CMYA5: variants seen among roughly 807,000 people sequenced by gnomAD.
The protein encoded by CMYA5 is cardiomyopathy-associated protein 5.
A neutral mutation model predicts 318.9 loss-of-function variants in CMYA5; 246 were observed. The ratio of observed to expected loss-of-function variants is 0.77; its 90% CI spans 0.70 to 0.86. CMYA5 has a LOEUF of 0.86. Among genes scored for constraint, CMYA5 ranks in the 40% least tolerant of loss-of-function variants. The pLI, the probability that CMYA5 is intolerant of heterozygous loss-of-function variation, is 0.00. For missense variants in CMYA5, 4,589 were observed against 4,678.2 expected (o/e 0.98, Z 0.56); for synonymous variants, 1,641 against 1,729.5 (o/e 0.95, Z 1.27).
In CMYA5 at chr5:79,799,428, A is replaced by G; in HGVS notation, c.12022A>G (p.Arg4008Gly). ...TGTTCATGTGACTGAGCGTCCAGCC[A>G]GAGTGGGCATCCTGCTGGACTACAA... is the stretch of plus-strand genomic sequence containing the variant. ...SDVHVTERPA[R>G]VGILLDYNNQ... The change falls in exon 13 of 13, where the codon AGA (arginine) becomes GGA (glycine). Residue 4008 changes from arginine to glycine, a missense_variant. Physicochemically the swap from Arg to Gly is moderately radical, Grantham distance 125. Coordinates refer to ENST00000446378, the MANE Select transcript of CMYA5 (RefSeq NM_153610.5). 1 of 1,613,868 alleles carries G rather than the reference A, an allele frequency of 6.2e-7. No individual in the cohort carries two copies. The highest frequency in any genetic ancestry group is 8.5e-7 in the Non-Finnish European group (1 of 1,179,754).
At chr5:79,702,284 G>T (rs1827187780) in intron 1 of CMYA5, among the ~76,000 whole-genome samples, 3 of 152,086 alleles carry the variant, frequency 2.0e-5, no homozygotes, top group African/African-American at 7.2e-5. Context: ...CTATTCTGGA[G>T]TCTGAGATGG....
chr5:79,789,794 G>A (rs1365367648), intron 10 of CMYA5, among the ~76,000 whole-genome samples: 1 of 152,136 alleles, frequency 6.6e-6, no homozygotes, highest in Non-Finnish European at 1.5e-5. Context: ...ATGTGTGGTA[G>A]GTTGGGGATA....
intron 1 of CMYA5, among the ~76,000 whole-genome samples, chr5:79,697,797 A>G (rs1165127230): frequency 2.0e-5 from 3 of 152,082 alleles, no homozygotes; most frequent in Non-Finnish European, 4.4e-5. Flanking sequence ...CAATTTTGCT[A>G]TTTTCAAATA....
intron 4 of CMYA5, 61 bp downstream of exon 4, chr5:79,745,516 A>G (rs1485462324): frequency 9.7e-7 from 1 of 1,032,822 alleles, no homozygotes; most frequent in African/African-American, 1.6e-5. Flanking sequence ...TCTACTTTTA[A>G]AGCTTCATTT....
intron 6 of CMYA5, among the ~76,000 whole-genome samples, chr5:79,758,071 A>G (rs1465211713): frequency 6.6e-6 from 1 of 152,030 alleles, no homozygotes; most frequent in Admixed American, 6.6e-5. Context: ...CTCTACTAAA[A>G]ATACAAAAAT....
At chr5:79,746,521 T>G (rs564297327) in intron 4 of CMYA5, among the ~76,000 whole-genome samples, 122 of 140,526 alleles carry the variant, frequency 8.7e-4, no homozygotes, top group Non-Finnish European at 1.5e-3. Context: ...TAAGAATAAT[T>G]TACTTCTTTC....
intron 1 of CMYA5, among the ~76,000 whole-genome samples, chr5:79,719,265 T>C (rs776380114): frequency 3.3e-5 from 5 of 152,192 alleles, no homozygotes; most frequent in Non-Finnish European, 5.9e-5. Context: ...TTTTCACTTA[T>C]AAAATGAGAA....
chr5:79,717,327 A>G (rs1367028798), intron 1 of CMYA5, among the ~76,000 whole-genome samples: 1 of 152,224 alleles, frequency 6.6e-6, no homozygotes, highest in East Asian at 1.9e-4. Context: ...AAGAAACACT[A>G]AGGGACATTG....
chr5:79,739,215 G>C lies in CMYA5; in HGVS notation c.10450G>C (p.Glu3484Gln). The C allele has an allele frequency of 6.2e-7, 1 of 1,613,146 alleles. No homozygotes were observed. The highest frequency in any genetic ancestry group is 8.5e-7 in the Non-Finnish European group (1 of 1,179,568). The change falls in exon 2 of 13, where the codon GAG becomes CAG. Residue 3484 changes from glutamate (E) to glutamine (Q), a missense_variant. Glu to Gln is a conservative substitution (Grantham distance 29, BLOSUM62 2). This residue lies in a region of CMYA5 where 2,431 missense variants were observed against 2,495.1 expected (regional missense o/e 0.97). Transcript: ENST00000446378. ...TPAEQKELGS[E>Q]RKEEDQLSSE... ...TGCTGAACAAAAAGAGTTGGGCAGCGAGAGGAAAGAAGAAGACCAATTATC... is the reference window on the plus strand; with the variant it reads ...TGCTGAACAAAAAGAGTTGGGCAGCCAGAGGAAAGAAGAAGACCAATTATC...
chr5:79,749,058 C>T (rs1828384537), intron 5 of CMYA5, among the ~76,000 whole-genome samples: 1 of 152,160 alleles, frequency 6.6e-6, no homozygotes, highest in Admixed American at 6.5e-5. Flanking sequence ...CCACTTAATA[C>T]TAAATACTCT....
Position 79,799,609 on chromosome 5 carries a change from A to T in CMYA5, c.12203A>T (p.His4068Leu), listed in dbSNP as rs760292821. 2 of 1,608,500 alleles carry T rather than the reference A, an allele frequency of 1.2e-6. No individual in the cohort carries two copies. Among genetic ancestry groups the T allele is most frequent in the Admixed American group, 1.7e-5 (1 of 59,630 alleles). Residue 4068 changes from histidine to leucine, a missense_variant, in exon 13 of 13, where the codon CAC becomes CTC. Physicochemically the swap from His to Leu is moderately conservative, Grantham distance 99 (BLOSUM62 -3). Transcript: ENST00000446378. ...LGIEPPDSVR[H>L]K ...ATAGAGCCCCCGGATTCTGTAAGGC[A>T]CAAGTGATCCTTGGCTTTCAGAATT...
chr5:79,777,229 AAAG>A (rs760807862), intron 9 of CMYA5, among the ~76,000 whole-genome samples: 24 of 152,206 alleles, frequency 1.6e-4, no homozygotes, highest in Non-Finnish European at 3.4e-4. Context: ...AAAAGATACA[AAAG>A]AGAATACAGT....
Position 79,735,883 on chromosome 5 carries a change from A to C in CMYA5, c.7118A>C (p.Lys2373Thr). 1 of 1,580,354 alleles carries C rather than the reference A, an allele frequency of 6.3e-7. No homozygotes were observed. The highest frequency in any genetic ancestry group is 8.5e-7 in the Non-Finnish European group (1 of 1,169,742). The change falls in exon 2 of 13, where the codon AAA (lysine) becomes ACA (threonine). Residue 2373 changes from lysine (K) to threonine (T), a missense_variant. Lys to Thr is a moderately conservative substitution (Grantham distance 78). Around this residue, in one of 3 missense-constraint regions of CMYA5, gnomAD observed 2,431 missense variants for 2,495.1 expected, o/e 0.97. Transcript: ENST00000446378. ...GAGCCAAGAAGTGATCAAAAACAAAAATCACTCCTTTCATTTGATGTAGTA... is the reference window on the plus strand; with the variant it reads ...GAGCCAAGAAGTGATCAAAAACAAACATCACTCCTTTCATTTGATGTAGTA... The part of the protein sequence containing the change: ...KEEPRSDQKQ[K>T]SLLSFDVVDK...
At chr5:79,773,036 A>G (rs73125666) in intron 9 of CMYA5, among the ~76,000 whole-genome samples, 12,715 of 152,228 alleles carry the variant, frequency 0.084, 1,287 homozygotes, top group African/African-American at 0.24. Context: ...TTAGAACCCC[A>G]TTCTTCACTT....
chr5:79,796,758 A>G (rs56113512), intron 12 of CMYA5, among the ~76,000 whole-genome samples: 1 of 152,250 alleles, frequency 6.6e-6, no homozygotes, highest in African/African-American at 2.4e-5. Context: ...TAAGAAGAGC[A>G]TGTTTTAATA....
chr5:79,692,167 G>A (rs1283606516), intron 1 of CMYA5, among the ~76,000 whole-genome samples: 3 of 152,028 alleles, frequency 2.0e-5, no homozygotes, highest in Non-Finnish European at 2.9e-5. Context: ...AAGGGAGGGG[G>A]GTGTAGTGTA....
intron 12 of CMYA5, among the ~76,000 whole-genome samples, chr5:79,793,995 T>A (rs777034666): frequency 6.6e-6 from 1 of 151,998 alleles, no homozygotes; most frequent in Non-Finnish European, 1.5e-5. Flanking sequence ...GCAGCTGGGT[T>A]TTGCATCACA....
Position 79,738,749 on chromosome 5 carries a change from C to T in CMYA5, c.9984C>T (p.Asp3328=), listed in dbSNP as rs140841478. ...AMQKKAPITE[D]VRVATQKISY... is the part of the protein sequence containing the mutation. Reference sequence around the variant, plus strand: ...AGAAGAAAGCTCCCATCACAGAGGACGTCAGAGTGGCTACCCAGAAAATAA... The same window carrying T: ...AGAAGAAAGCTCCCATCACAGAGGATGTCAGAGTGGCTACCCAGAAAATAA... The change falls in exon 2 of 13, where the codon GAC becomes GAT. Residue 3328 remains aspartate, a synonymous_variant. Coordinates refer to ENST00000446378, the MANE Select transcript of CMYA5 (RefSeq NM_153610.5). 6.1e-4 allele frequency: 991 copies of T among 1,613,882 alleles called. 9 individuals carry two copies. In the African/African-American group the frequency reaches 0.012, roughly 19 times the overall value.
rs184221345 is a variant in CMYA5 at position 79,732,919 on chromosome 5, G to A, written c.4154G>A (p.Arg1385His). The A allele has an allele frequency of 4.2e-5, 67 of 1,613,670 alleles. 1 individual carries two copies. The African/African-American group carries it at 5.3e-4, about 13-fold the overall frequency. Residue 1385 changes from arginine to histidine, a missense_variant, in exon 2 of 13, where the codon CGT becomes CAT. Physicochemically the swap from Arg to His is conservative, Grantham distance 29 (BLOSUM62 0). Transcript: ENST00000446378. ...TDSSLITPVD[R>H]PVLTKVGKGE... is the part of the protein sequence containing the mutation. ...TCATCTCTTATCACTCCTGTAGATC[G>A]TCCAGTCTTAACAAAAGTAGGAAAG... is the stretch of plus-strand genomic sequence containing the variant.
Sources: gnomAD v4.1 joint callset for allele counts (sites outside exome capture counted in the v4.1 genomes callset) on GRCh38, gnomAD v4.1.1 for gene constraint, gnomAD v4.1.1 regional missense constraint, MANE v1.5 for transcripts, NCBI Gene and HGNC (gene_info 2026-07-23, HGNC 2026-07-21) for gene names.